Variants in NOL4 observed in about 807,000 individuals in gnomAD.
NOL4 encodes nucleolar protein 4.
In NOL4, 17 loss-of-function variants were observed where a neutral mutation model predicts 75.9. The ratio of observed to expected loss-of-function variants is 0.22; its 90% CI spans 0.15 to 0.34. The LOEUF (loss-of-function observed/expected upper bound fraction) is 0.34, where lower values mean the gene tolerates loss of function less well. Ranked by LOEUF, NOL4 falls within the 10% of genes least tolerant of loss-of-function variation. The pLI is 1.00. For missense variants in NOL4, 614 were observed against 793.5 expected (o/e 0.77, Z 2.72); for synonymous variants, 292 against 289.9 (o/e 1.01, Z -0.07).
chr18:34,046,613 T>TATATATATATATATA lies in NOL4; in HGVS notation c.773-27027_773-27013dup, dbSNP rs1453130220. On this transcript the variant is annotated intron_variant, in intron 5 of 10. Transcript: ENST00000261592. ...AATTTACTATTTACTTATACATATA[T>TATATATATATATATA]ATATATATATATATATATATATATG... Among the ~76,000 whole-genome samples, 27 of 103,616 alleles carry TATATATATATATATA rather than the reference T, an allele frequency of 2.6e-4. 1 individual carries two copies. The highest frequency in any genetic ancestry group is 8.0e-4 in the African/African-American group (25 of 31,074). 68.0% of individuals were successfully genotyped at this position (103,616 alleles called of 152,430 possible).
intron 5 of NOL4, among the ~76,000 whole-genome samples, chr18:34,071,379 CG>C (rs1165922646): frequency 6.6e-6 from 1 of 151,314 alleles, no homozygotes; most frequent in African/African-American, 2.4e-5. Context: ...AAAATACTCC[CG>C]TTAAAAGGCA....
At position 33,932,321 on chromosome 18, in the gene NOL4, T is replaced by C. The variant is rs185165152; in HGVS notation, c.1542+10744A>G. Among the ~76,000 whole-genome samples, 309 of 152,236 alleles carry C rather than the reference T, an allele frequency of 2.0e-3. 1 individual carries two copies. The highest frequency in any genetic ancestry group is 0.014 in the Middle Eastern group (4 of 294). On this transcript the variant is annotated intron_variant, in intron 9 of 10. Coordinates refer to ENST00000261592, the MANE Select transcript of NOL4 (RefSeq NM_003787.5). Reference sequence around the variant, plus strand: ...GTAATTCTTGTAAAAAATAATGCCATGTTTTTTAGGATTAGGAATTACTGG... The same window carrying C: ...GTAATTCTTGTAAAAAATAATGCCACGTTTTTTAGGATTAGGAATTACTGG...
At chr18:33,936,115 C>A (rs574480470) in intron 9 of NOL4, among the ~76,000 whole-genome samples, 1 of 152,090 alleles carries the variant, frequency 6.6e-6, no homozygotes, top group South Asian at 2.1e-4. Context: ...AAAGCTGCCT[C>A]TCATAAACCA....
intron 9 of NOL4, among the ~76,000 whole-genome samples, chr18:33,930,485 T>C (rs916824765): frequency 6.6e-6 from 1 of 152,066 alleles, no homozygotes; most frequent in Non-Finnish European, 1.5e-5. Context: ...ATTTCCTACA[T>C]AGGGAAAAAG....
chr18:34,086,765 C>T (rs4552082), intron 5 of NOL4, among the ~76,000 whole-genome samples: 139,623 of 152,176 alleles, frequency 0.92, 64,206 homozygotes, highest in African/African-American at 0.98. Context: ...TGTTTGTGTG[C>T]GTGTTCTAAA....
At chr18:33,976,777 C>T (rs534673357) in intron 6 of NOL4, among the ~76,000 whole-genome samples, 3 of 151,970 alleles carry the variant, frequency 2.0e-5, no homozygotes, top group African/African-American at 4.8e-5. Flanking sequence ...ATTTGAACTC[C>T]CAGTAATTAA....
intron 2 of NOL4, among the ~76,000 whole-genome samples, chr18:34,116,556 T>G (rs2079868929): frequency 6.6e-6 from 1 of 152,224 alleles, no homozygotes; most frequent in African/African-American, 2.4e-5. Flanking sequence ...AAAACTCATC[T>G]TGTAAATTCA....
chr18:33,928,665 T>C (rs1354347829), intron 9 of NOL4, among the ~76,000 whole-genome samples: 1 of 152,188 alleles, frequency 6.6e-6, no homozygotes, highest in Non-Finnish European at 1.5e-5. Context: ...GGAAGAAATT[T>C]AAACAGAAGT....
chr18:34,212,545 T>G (rs1226300060), intron 1 of NOL4, among the ~76,000 whole-genome samples: 1 of 152,160 alleles, frequency 6.6e-6, no homozygotes, highest in Non-Finnish European at 1.5e-5. Flanking sequence ...TTCTCAAACA[T>G]TATCTCATTT....
chr18:33,959,959 G>A (rs550464349), intron 6 of NOL4, among the ~76,000 whole-genome samples: 5 of 152,060 alleles, frequency 3.3e-5, no homozygotes, highest in Non-Finnish European at 5.9e-5. Context: ...GTGTGTGTGC[G>A]TGTATGCACA....
At chr18:33,858,789 C>T (rs1474531473) in intron 10 of NOL4, among the ~76,000 whole-genome samples, 2 of 151,942 alleles carry the variant, frequency 1.3e-5, no homozygotes, top group African/African-American at 4.8e-5. Flanking sequence ...ATTTGTAAAA[C>T]CATCAGAGTC....
chr18:33,958,361 C>T lies in NOL4; in HGVS notation c.1114G>A (p.Gly372Arg), dbSNP rs758310939. 6.2e-7 allele frequency: 1 copy of T among 1,613,668 alleles called. No homozygotes were observed. ...DSGKNESVDRGAEDLSLNRGD... is the reference protein window; with the variant it reads ...DSGKNESVDRRAEDLSLNRGD... ...CTGTTTAGTGAGAGGTCCTCAGCTC[C>T]TCGGTCTACACTCTCATTTTTGCCA... The change falls in exon 7 of 11, where the codon GGA (glycine) becomes AGA (arginine). Residue 372 changes from glycine to arginine, a missense_variant. Coordinates refer to ENST00000261592, the MANE Select transcript of NOL4 (RefSeq NM_003787.5).
chr18:34,009,571 G>A (rs1385153389), intron 6 of NOL4, among the ~76,000 whole-genome samples: 3 of 151,866 alleles, frequency 2.0e-5, no homozygotes, highest in Non-Finnish European at 4.4e-5. Flanking sequence ...ATTGCCTATA[G>A]GTTAAGAATT....
chr18:33,976,329 T>C (rs1006157706), intron 6 of NOL4, among the ~76,000 whole-genome samples: 1 of 152,214 alleles, frequency 6.6e-6, no homozygotes, highest in Non-Finnish European at 1.5e-5. Context: ...TCAAAAGCAA[T>C]GCATTTTATT....
chr18:33,993,332 G>C (rs1261721615), intron 6 of NOL4, among the ~76,000 whole-genome samples: 1 of 151,894 alleles, frequency 6.6e-6, no homozygotes, highest in Non-Finnish European at 1.5e-5. Flanking sequence ...TGTCATCCAG[G>C]GTGAGTGTGG....
At chr18:34,222,251 C>A in intron 1 of NOL4, 1 of 1,396,642 alleles carries the variant, frequency 7.2e-7, no homozygotes, top group Non-Finnish European at 9.3e-7. Flanking sequence ...AACAAATACA[C>A]ACACCATTCG....
intron 1 of NOL4, among the ~76,000 whole-genome samples, chr18:34,197,858 A>C (rs1234758344): frequency 6.6e-6 from 1 of 151,992 alleles, no homozygotes; most frequent in Non-Finnish European, 1.5e-5. Flanking sequence ...TGGGTTGATA[A>C]AAATGAAAAG....
At chr18:34,154,692 CTA>C (rs149562586) in intron 1 of NOL4, among the ~76,000 whole-genome samples, 15 of 149,532 alleles carry the variant, frequency 1.0e-4, no homozygotes, top group African/African-American at 1.7e-4. Context: ...TATACTATTG[CTA>C]TATATATATA....
chr18:34,178,803 AG>A (rs1409603397), intron 1 of NOL4, among the ~76,000 whole-genome samples: 46 of 151,694 alleles, frequency 3.0e-4, no homozygotes, highest in Non-Finnish European at 3.0e-4. Context: ...ACAGAAGACC[AG>A]AAAAGAAATA....
Sources: allele counts gnomAD v4.1 joint callset (sites outside exome capture counted in the v4.1 genomes callset), GRCh38; gene constraint gnomAD v4.1.1; transcripts MANE v1.5; gene names NCBI Gene and HGNC (gene_info 2026-07-23, HGNC 2026-07-21).